The following WWTR1 variants were observed in gnomAD, a reference collection of about 807,000 sequenced individuals.
The protein encoded by WWTR1 is WW domain-containing transcription regulator protein 1.
In WWTR1, 13 loss-of-function variants were observed where a neutral mutation model predicts 40.1. The ratio of observed to expected loss-of-function variants is 0.32; its 90% CI spans 0.21 to 0.52. WWTR1 has a LOEUF of 0.52. Among genes scored for constraint, WWTR1 ranks in the 20% least tolerant of loss-of-function variants. The pLI is 0.97. For missense variants in WWTR1, 436 were observed against 523.1 expected (o/e 0.83, Z 1.63); for synonymous variants, 230 against 210.1 (o/e 1.09, Z -0.82).
intron 4 of WWTR1, among the ~76,000 whole-genome samples, chr3:149,528,579 C>T (rs1279723921): frequency 6.6e-6 from 1 of 151,990 alleles, no homozygotes; most frequent in Non-Finnish European, 1.5e-5. Context: ...ATCACTGGAG[C>T]CCACAAGTTC....
intron 4 of WWTR1, among the ~76,000 whole-genome samples, chr3:149,529,211 TAA>T (rs1017279104): frequency 6.6e-6 from 1 of 152,196 alleles, no homozygotes; most frequent in Non-Finnish European, 1.5e-5. Flanking sequence ...CCTCAAACCC[TAA>T]AACCATGGCT....
chr3:149,665,034 G>A (rs1371125057), intron 2 of WWTR1, among the ~76,000 whole-genome samples: 6 of 151,962 alleles, frequency 3.9e-5, no homozygotes, highest in African/African-American at 1.5e-4. Context: ...TCATTTTGGG[G>A]CAAGGGACTG....
chr3:149,616,807 T>G (rs879839361), intron 2 of WWTR1, among the ~76,000 whole-genome samples: 8 of 152,340 alleles, frequency 5.3e-5, no homozygotes, highest in Admixed American at 4.6e-4. Flanking sequence ...ATTTTCAGAT[T>G]TCTTTCTAAA....
At chr3:149,585,121 C>CGTGTGTGT (rs61655468) in intron 2 of WWTR1, among the ~76,000 whole-genome samples, 17,406 of 144,258 alleles carry the variant, frequency 0.12, 1,093 homozygotes, top group Middle Eastern at 0.16. Context: ...TGATTTCTTT[C>CGTGTGTGT]GTGTGTGTGT....
intron 1 of WWTR1, among the ~76,000 whole-genome samples, chr3:149,679,438 C>T (rs111566848): frequency 2.0e-5 from 3 of 152,256 alleles, no homozygotes; most frequent in Non-Finnish European, 4.4e-5. Context: ...GAAATTCTAG[C>T]CTCTTTTCTC....
chr3:149,631,092 C>T (rs1240365091), intron 2 of WWTR1, among the ~76,000 whole-genome samples: 1 of 152,092 alleles, frequency 6.6e-6, no homozygotes, highest in African/African-American at 2.4e-5. Context: ...GGGAGAAATG[C>T]CAGGCAAGAG....
intron 1 of WWTR1, among the ~76,000 whole-genome samples, chr3:149,696,857 A>C (rs183208848): frequency 6.6e-6 from 1 of 152,112 alleles, no homozygotes; most frequent in Non-Finnish European, 1.5e-5. Flanking sequence ...ACCCCTCCCC[A>C]GTCACCTTGG....
intron 2 of WWTR1, among the ~76,000 whole-genome samples, chr3:149,603,249 G>A (rs918116088): frequency 6.6e-5 from 10 of 152,002 alleles, no homozygotes; most frequent in Admixed American, 2.0e-4. Context: ...GTTCAATCAA[G>A]GAACCAGATT....
At chr3:149,587,380 C>T (rs1001400389) in intron 2 of WWTR1, among the ~76,000 whole-genome samples, 12 of 152,032 alleles carry the variant, frequency 7.9e-5, no homozygotes, top group African/African-American at 2.9e-4. Context: ...AATAACATTT[C>T]AGCAGTAATG....
intron 2 of WWTR1, among the ~76,000 whole-genome samples, chr3:149,596,411 C>G (rs1157172916): frequency 6.6e-6 from 1 of 152,210 alleles, no homozygotes; most frequent in African/African-American, 2.4e-5. Context: ...CAAGCAAGCC[C>G]TGGCACCACA....
At position 149,584,687 on chromosome 3, in the gene WWTR1, C is replaced by A. The variant is rs146017791; in HGVS notation, c.432-11687G>T. ...AAACCCAGCCTACAATGTTTCTTTA[C>A]GTGTATTTCTTGGCATCTTCAGTCG... On this transcript the variant is annotated intron_variant, in intron 2 of 6. Coordinates refer to ENST00000360632, the MANE Select transcript of WWTR1 (RefSeq NM_015472.6). 2.0e-5 allele frequency among the ~76,000 whole-genome samples: 3 copies of A among 152,276 alleles called. No individual in the cohort carries two copies. The East Asian group carries it at 5.8e-4, about 29-fold the overall frequency.
rs1353731106 is a variant in WWTR1 at position 149,520,792 on chromosome 3, A to T, written c.*13T>A. On this transcript the variant is annotated 3_prime_UTR_variant, in exon 7 of 7. Transcript: ENST00000360632. ...GTAAGGTCATGGCTACATCCAAGTT[A>T]CAATGGTAGTGATTACAGCCAGGTT... 6.4e-6 allele frequency: 10 copies of T among 1,551,486 alleles called. No individual in the cohort carries two copies. The East Asian group carries it at 2.4e-4, about 37-fold the overall frequency.
At chr3:149,587,232 T>C (rs1448491211) in intron 2 of WWTR1, among the ~76,000 whole-genome samples, 2 of 152,104 alleles carry the variant, frequency 1.3e-5, no homozygotes, top group Non-Finnish European at 2.9e-5. Flanking sequence ...TGAATGAAAT[T>C]ACAGGACACC....
chr3:149,691,530 A>T (rs559763533), intron 1 of WWTR1, among the ~76,000 whole-genome samples: 2 of 152,250 alleles, frequency 1.3e-5, no homozygotes, highest in South Asian at 4.1e-4. Context: ...ACTATGAGCA[A>T]CTATATGCCA....
upstream of WWTR1, among the ~76,000 whole-genome samples, chr3:149,706,841 C>T (rs1177601072): frequency 1.3e-5 from 2 of 152,248 alleles, no homozygotes; most frequent in Admixed American, 1.3e-4. Context: ...GATACATATA[C>T]AAAACAAAGC....
intron 2 of WWTR1, among the ~76,000 whole-genome samples, chr3:149,620,145 A>G (rs1306761923): frequency 6.6e-6 from 1 of 152,214 alleles, no homozygotes; most frequent in Non-Finnish European, 1.5e-5. Flanking sequence ...GAGATGTTGC[A>G]AAACCCAAAC....
At chr3:149,590,132 A>G (rs1464152155) in intron 2 of WWTR1, among the ~76,000 whole-genome samples, 2 of 152,148 alleles carry the variant, frequency 1.3e-5, no homozygotes, top group Admixed American at 6.5e-5. Context: ...TAAATAATAA[A>G]TGTATGTTGA....
chr3:149,666,847 C>T (rs180742059), intron 2 of WWTR1, among the ~76,000 whole-genome samples: 19 of 152,316 alleles, frequency 1.2e-4, no homozygotes, highest in Admixed American at 1.2e-3. Context: ...ATTACTTCCT[C>T]CTCTGTGAGC....
At chr3:149,545,362 A>G (rs1358837724) in intron 3 of WWTR1, among the ~76,000 whole-genome samples, 4 of 152,182 alleles carry the variant, frequency 2.6e-5, no homozygotes, top group Non-Finnish European at 5.9e-5. Context: ...GCATTTCTGA[A>G]CCTTCTATAA....
Sources: allele counts gnomAD v4.1 joint callset (sites outside exome capture counted in the v4.1 genomes callset), GRCh38; gene constraint gnomAD v4.1.1; transcripts MANE v1.5; gene names NCBI Gene and HGNC (gene_info 2026-07-23, HGNC 2026-07-21).